The following PPARGC1B variants were observed in gnomAD, a reference collection of about 807,000 sequenced individuals.
PPARGC1B encodes the protein PPARG coactivator 1 beta, also known as peroxisome proliferator-activated receptor gamma coactivator 1-beta.
PPARGC1B carries 34 observed loss-of-function variants against 101.6 expected under a neutral mutation model. The ratio of observed to expected loss-of-function variants is 0.33; its 90% CI spans 0.25 to 0.45. The LOEUF is 0.45. PPARGC1B is among the 20% of genes least tolerant of loss of function. PPARGC1B has a pLI of 1.00. For synonymous variants in PPARGC1B, 548 were observed against 539.3 expected (o/e 1.02, Z -0.22); for missense variants, 1,234 against 1,317.6 (o/e 0.94, Z 0.98).
In PPARGC1B at chr5:149,836,870, C is replaced by T. The variant is rs1426872530; in HGVS notation, c.2415C>T (p.Leu805=). The part of the protein sequence containing the change: ...SSSSSGESSF[L]PEEEEEEGEE... ...GCAGCAGCGGCGAGAGCAGCTTCCTCCCAGAGGAGGAAGAGGAAGAAGGGG... is the reference window on the plus strand; with the variant it reads ...GCAGCAGCGGCGAGAGCAGCTTCCTTCCAGAGGAGGAAGAGGAAGAAGGGG... The change falls in exon 8 of 12, where the codon CTC becomes CTT. Residue 805 remains leucine, a synonymous_variant. Transcript: ENST00000309241. The T allele has an allele frequency of 6.2e-7, 1 of 1,613,032 alleles. No homozygotes were observed. The highest frequency in any genetic ancestry group is 1.7e-5 in the Admixed American group (1 of 60,030).
chr5:149,835,046 G>A lies in PPARGC1B; in HGVS notation c.1743-255G>A, dbSNP rs568822107. Among the ~76,000 whole-genome samples the A allele has an allele frequency of 2.0e-5, 3 of 152,368 alleles. No homozygotes were observed. The South Asian group carries it at 6.2e-4, about 32-fold the overall frequency. On this transcript the variant is annotated intron_variant, in intron 6 of 11. Coordinates refer to ENST00000309241, the MANE Select transcript of PPARGC1B (RefSeq NM_133263.4). ...CTCGGTTGCTCCCTCTATAAAATAA[G>A]GAGGCTGACAACACTTGTCCTCTAT...
Position 149,845,762 on chromosome 5 carries a change from G to T in PPARGC1B, c.2819G>T (p.Gly940Val), listed in dbSNP as rs776381430. 5.0e-6 allele frequency: 8 copies of T among 1,608,058 alleles called. No homozygotes were observed. In the South Asian group the frequency reaches 6.6e-5, roughly 13 times the overall value. ...CTCTCCTTGCTCCCTCCCCGCAGAG[G>T]CGAGAAGTACGGCTTCATCACCTAC... The part of the protein sequence containing the change: ...ECEVLTRNRR[G>V]EKYGFITYRC... Residue 940 changes from glycine to valine, a missense_variant and splice_region_variant, in exon 11 of 12, where the codon GGC becomes GTC. By Grantham distance (109) the Gly-to-Val change is moderately radical. Transcript: ENST00000309241.
chr5:149,730,390 C>G lies in PPARGC1B; in HGVS notation c.48C>G (p.Ser16=). 1.3e-6 allele frequency: 2 copies of G among 1,574,680 alleles called. No homozygotes were observed. The highest frequency in any genetic ancestry group is 1.7e-6 in the Non-Finnish European group (2 of 1,163,080). ...CGALLDEELS[S]FFLNYLADTQ... is the part of the protein sequence containing the mutation. ...CGCTGCTGGACGAAGAGCTCTCCTC[C>G]TTCTTCCTCAACTATCTCGCTGACA... Residue 16 remains serine, a synonymous_variant, in exon 1 of 12, where the codon TCC becomes TCG. Transcript: ENST00000309241. The surrounding 1 kb of genome is among the most constrained non-coding windows in gnomAD (Gnocchi z 4.0).
intron 1 of PPARGC1B, among the ~76,000 whole-genome samples, chr5:149,806,023 G>A (rs1246701824): frequency 2.6e-5 from 4 of 152,318 alleles, no homozygotes; most frequent in Middle Eastern, 3.4e-3. Context: ...TCTCTCCCTC[G>A]GCCTGGTCAT....
chr5:149,736,180 C>T (rs2113069123), intron 1 of PPARGC1B, among the ~76,000 whole-genome samples: 1 of 152,296 alleles, frequency 6.6e-6, no homozygotes, highest in African/African-American at 2.4e-5. Flanking sequence ...ACAAGTCCCT[C>T]TGCTTCTCTA....
chr5:149,773,365 C>T (rs1301412254), intron 1 of PPARGC1B, among the ~76,000 whole-genome samples: 3 of 152,258 alleles, frequency 2.0e-5, no homozygotes, highest in African/African-American at 7.2e-5. Context: ...TTTTGTGCAG[C>T]TGGTGCATGG....
At chr5:149,825,289 C>G (rs17110586) in intron 2 of PPARGC1B, among the ~76,000 whole-genome samples, 19,752 of 152,300 alleles carry the variant, frequency 0.13, 1,594 homozygotes, top group Admixed American at 0.29. Context: ...TGACCCCTGA[C>G]AAGTTGCTGA....
chr5:149,802,913 A>T (rs1451781177), intron 1 of PPARGC1B, among the ~76,000 whole-genome samples: 4 of 152,158 alleles, frequency 2.6e-5, no homozygotes, highest in Non-Finnish European at 2.9e-5. Context: ...GGACCACAAC[A>T]TGAGTAGCAT....
At position 149,792,595 on chromosome 5, in the gene PPARGC1B, C is replaced by G. The variant is rs371883388; in HGVS notation, c.79-27838C>G. 1.2e-3 allele frequency among the ~76,000 whole-genome samples: 179 copies of G among 152,302 alleles called. 7 individuals are homozygous for G. The South Asian group carries it at 0.035, about 29-fold the overall frequency. On this transcript the variant is annotated intron_variant, in intron 1 of 11. Transcript: ENST00000309241. ...GGCCGGCGGCACTACTTTTGCTTCT[C>G]TTTTAAATCTTTTTGTGCCTGAGTT...
intron 8 of PPARGC1B, among the ~76,000 whole-genome samples, chr5:149,839,002 G>A (rs1168125423): frequency 6.6e-6 from 1 of 152,272 alleles, no homozygotes; most frequent in Non-Finnish European, 1.5e-5. Context: ...ACAATAATTA[G>A]GTAACCCTTT....
In PPARGC1B at chr5:149,834,673, G is replaced by C; in HGVS notation, c.1706-1G>C. On this transcript the variant is annotated splice_acceptor_variant, in intron 5 of 11. Transcript: ENST00000309241. LOFTEE classifies it high-confidence loss of function. ...CTTATTTTTCTGTGTCTTCTTTTCAGACTCTCCCAGGTGCCTCATGCTGGC... is the reference window on the plus strand; with the variant it reads ...CTTATTTTTCTGTGTCTTCTTTTCACACTCTCCCAGGTGCCTCATGCTGGC... The C allele has an allele frequency of 6.2e-7, 1 of 1,613,264 alleles. No homozygotes were observed. The highest frequency in any genetic ancestry group is 8.5e-7 in the Non-Finnish European group (1 of 1,179,238).
intron 1 of PPARGC1B, among the ~76,000 whole-genome samples, chr5:149,775,134 C>A (rs930729621): frequency 6.6e-6 from 1 of 152,108 alleles, no homozygotes; most frequent in Non-Finnish European, 1.5e-5. Flanking sequence ...GGCCTCCTGC[C>A]AGCCCCACAT....
chr5:149,745,637 C>G (rs957488196), intron 1 of PPARGC1B, among the ~76,000 whole-genome samples: 1 of 152,088 alleles, frequency 6.6e-6, no homozygotes, highest in Admixed American at 6.5e-5. Flanking sequence ...TAATAATGCC[C>G]GTGGAGAGCA....
chr5:149,751,639 G>A (rs1226773087), intron 1 of PPARGC1B, among the ~76,000 whole-genome samples: 1 of 151,866 alleles, frequency 6.6e-6, no homozygotes, highest in African/African-American at 2.4e-5. Flanking sequence ...CTGGGAGGTG[G>A]AGGTTGCAGT....
intron 1 of PPARGC1B, chr5:149,732,805 A>C (rs1561843183): frequency 4.2e-6 from 2 of 476,588 alleles, no homozygotes; most frequent in Non-Finnish European, 8.7e-6. Flanking sequence ...CCATGCAGCC[A>C]GAGGGTGACA....
intron 1 of PPARGC1B, among the ~76,000 whole-genome samples, chr5:149,814,941 G>A (rs957828451): frequency 9.9e-5 from 15 of 152,214 alleles, no homozygotes; most frequent in Admixed American, 2.0e-4. Context: ...CAAACAGTGT[G>A]TTTGGTCCCA....
intron 5 of PPARGC1B, among the ~76,000 whole-genome samples, chr5:149,834,438 A>G (rs1758958158): frequency 6.6e-6 from 1 of 152,168 alleles, no homozygotes; most frequent in Admixed American, 6.5e-5. Context: ...AGAAGGGGTC[A>G]CTCTTGCACC....
chr5:149,835,914 C>T (rs1759045382), intron 7 of PPARGC1B, among the ~76,000 whole-genome samples: 1 of 149,982 alleles, frequency 6.7e-6, no homozygotes, highest in African/African-American at 2.5e-5. Flanking sequence ...AGTAAAGGCA[C>T]TTGGCCATTT....
At chr5:149,830,468 A>G (rs1212814050) in intron 3 of PPARGC1B, among the ~76,000 whole-genome samples, 1 of 152,180 alleles carries the variant, frequency 6.6e-6, no homozygotes, top group African/African-American at 2.4e-5. Flanking sequence ...ACAGTAGAAT[A>G]GACAGACGTT....
Sources: gnomAD v4.1 joint callset for allele counts (sites outside exome capture counted in the v4.1 genomes callset) on GRCh38, gnomAD v4.1.1 for gene constraint, Gnocchi (gnomAD v3.1) non-coding constraint, MANE v1.5 for transcripts, NCBI Gene and HGNC (gene_info 2026-07-23, HGNC 2026-07-21) for gene names.